Variants in FARS2 observed in about 807,000 individuals in gnomAD.
The protein encoded by FARS2 is phenylalanine--tRNA ligase, mitochondrial.
Under a neutral mutation model 46.4 loss-of-function variants are expected in FARS2, and 40 were observed. That is an observed-to-expected ratio of 0.86 (90% CI 0.67 to 1.12). FARS2 has a LOEUF of 1.12. Among genes scored for constraint, FARS2 ranks in the 50% most tolerant of loss-of-function variants. The pLI, the probability that FARS2 is intolerant of heterozygous loss-of-function variation, is 0.00. For missense variants in FARS2, 513 were observed against 567.9 expected (o/e 0.90, Z 0.98); for synonymous variants, 234 against 214.9 (o/e 1.09, Z -0.78).
At chr6:5,419,314 C>T (rs1389834980) in intron 3 of FARS2, among the ~76,000 whole-genome samples, 1 of 152,170 alleles carries the variant, frequency 6.6e-6, no homozygotes, top group South Asian at 2.1e-4. Context: ...CTAAAACACA[C>T]TTATTTTAAA....
upstream of FARS2, among the ~76,000 whole-genome samples, chr6:5,259,867 G>C (rs892950350): frequency 6.6e-6 from 1 of 152,110 alleles, no homozygotes; most frequent in Non-Finnish European, 1.5e-5. Context: ...AAAATGATGG[G>C]TCAGAACCAG....
intron 4 of FARS2, among the ~76,000 whole-genome samples, chr6:5,519,044 G>GAT (rs1229960298): frequency 2.0e-5 from 3 of 152,072 alleles, no homozygotes; most frequent in African/African-American, 7.2e-5. Flanking sequence ...CTAAAATATT[G>GAT]ATATAATACT....
chr6:5,545,963 A>G (rs1009762002), intron 5 of FARS2, among the ~76,000 whole-genome samples: 13 of 152,120 alleles, frequency 8.5e-5, no homozygotes, highest in African/African-American at 1.2e-4. Context: ...CCCTGTCTCT[A>G]CTAAAAATAC....
intron 1 of FARS2, among the ~76,000 whole-genome samples, chr6:5,322,576 G>C (rs1770057963): frequency 6.6e-6 from 1 of 151,764 alleles, no homozygotes; most frequent in Non-Finnish European, 1.5e-5. Flanking sequence ...TTCTTTTTTT[G>C]GTTTGTTTCC....
At chr6:5,681,104 G>T (rs1779012321) in intron 6 of FARS2, among the ~76,000 whole-genome samples, 1 of 152,168 alleles carries the variant, frequency 6.6e-6, no homozygotes, top group African/African-American at 2.4e-5. Context: ...CCTTGATCTG[G>T]TAATTCTGCT....
chr6:5,691,890 G>A (rs569606516), intron 6 of FARS2, among the ~76,000 whole-genome samples: 49 of 152,312 alleles, frequency 3.2e-4, no homozygotes, highest in African/African-American at 1.1e-3. Context: ...GTCAATGGCA[G>A]GTGCCCCTCC....
At chr6:5,482,276 G>A (rs1006624254) in intron 4 of FARS2, among the ~76,000 whole-genome samples, 3 of 151,822 alleles carry the variant, frequency 2.0e-5, no homozygotes, top group African/African-American at 7.3e-5. Context: ...CAATTATTTT[G>A]GCAGAATTAT....
intron 6 of FARS2, among the ~76,000 whole-genome samples, chr6:5,744,059 G>C (rs764046309): frequency 1.3e-5 from 2 of 152,208 alleles, no homozygotes; most frequent in Non-Finnish European, 2.9e-5. Flanking sequence ...GACAGGATTG[G>C]TTTAGGAACA....
chr6:5,724,145 CGCCATTAGGCAGCTTCCACAGCTTA>C (rs1250620221), intron 6 of FARS2, among the ~76,000 whole-genome samples: 6 of 152,220 alleles, frequency 3.9e-5, no homozygotes, highest in Admixed American at 1.3e-4. Flanking sequence ...TTAGAATCTG[CGCCATTAGGCAGCTTCCACAGCTTA>C]GACGCCTTTC....
chr6:5,708,125 G>T (rs543981297), intron 6 of FARS2, among the ~76,000 whole-genome samples: 1 of 152,272 alleles, frequency 6.6e-6, no homozygotes, highest in South Asian at 2.1e-4. Context: ...ACAGTGAACT[G>T]TCTGGGTGGT....
chr6:5,361,349 A>G (rs551776886), intron 1 of FARS2, among the ~76,000 whole-genome samples: 16 of 152,156 alleles, frequency 1.1e-4, no homozygotes, highest in African/African-American at 3.9e-4. Flanking sequence ...TTTTTCTGTT[A>G]TAAATAATAC....
intron 1 of FARS2, among the ~76,000 whole-genome samples, chr6:5,366,389 AG>A (rs1758679895): frequency 6.6e-6 from 1 of 152,276 alleles, no homozygotes; most frequent in East Asian, 1.9e-4. Context: ...TAGAGGTAGA[AG>A]GAAAGGAAGT....
chr6:5,403,902 G>A (rs1229139223), intron 2 of FARS2, among the ~76,000 whole-genome samples: 1 of 152,124 alleles, frequency 6.6e-6, no homozygotes, highest in East Asian at 1.9e-4. Flanking sequence ...AGACAATAAT[G>A]AGGAAAACTT....
intron 1 of FARS2, among the ~76,000 whole-genome samples, chr6:5,348,450 A>G (rs1287937069): frequency 1.1e-5 from 1 of 90,228 alleles, no homozygotes; most frequent in East Asian, 3.8e-4. Flanking sequence ...ATATACACTC[A>G]TGTCTGTGTA....
intron 4 of FARS2, among the ~76,000 whole-genome samples, chr6:5,541,286 C>T (rs1022230483): frequency 1.3e-5 from 2 of 152,166 alleles, no homozygotes; most frequent in Admixed American, 1.3e-4. Context: ...TGACTTGGTA[C>T]TGCCGTGTCA....
At chr6:5,595,562 G>A (rs747721932) in intron 5 of FARS2, among the ~76,000 whole-genome samples, 1 of 152,108 alleles carries the variant, frequency 6.6e-6, no homozygotes, top group Non-Finnish European at 1.5e-5. Flanking sequence ...TAGAACGAGG[G>A]AGAAAATGTG....
chr6:5,301,888 G>T (rs112411317), intron 1 of FARS2, among the ~76,000 whole-genome samples: 1,657 of 151,170 alleles, frequency 0.011, 17 homozygotes, highest in South Asian at 0.049. Context: ...CACAAGTAAG[G>T]GTTATGTCAG....
chr6:5,386,702 G>T (rs1760155606), intron 2 of FARS2, among the ~76,000 whole-genome samples: 1 of 152,188 alleles, frequency 6.6e-6, no homozygotes, highest in Non-Finnish European at 1.5e-5. Context: ...TAACTCCTGG[G>T]TTGCTTTTTT....
At chr6:5,296,388 G>A (rs537392851) in intron 1 of FARS2, among the ~76,000 whole-genome samples, 24 of 152,130 alleles carry the variant, frequency 1.6e-4, no homozygotes, top group East Asian at 5.8e-4. Context: ...TGATCCGCCC[G>A]CCTTGGCCTC....
Sources: gnomAD v4.1 joint callset for allele counts (sites outside exome capture counted in the v4.1 genomes callset) on GRCh38, gnomAD v4.1.1 for gene constraint, MANE v1.5 for transcripts, NCBI Gene and HGNC (gene_info 2026-07-23, HGNC 2026-07-21) for gene names.